TUSC3: variants seen among roughly 807,000 people sequenced by gnomAD.
TUSC3 encodes the protein tumor suppressor candidate 3.
Under a neutral mutation model 44.8 loss-of-function variants are expected in TUSC3, and 45 were observed. That is an observed-to-expected ratio of 1.00 (90% CI 0.79 to 1.29). TUSC3 has a LOEUF of 1.29. Among genes scored for constraint, TUSC3 ranks in the 50% most tolerant of loss-of-function variants. TUSC3 has a pLI of 0.00. For synonymous variants in TUSC3, 212 were observed against 152.9 expected, an observed-to-expected ratio of 1.39 and a Z score of -2.85; for missense variants, 519 against 437.9, an observed-to-expected ratio of 1.19 and a Z score of -1.65.
At chr8:15,434,530 C>CTTT (rs59579003) in intron 1 of TUSC3, among the ~76,000 whole-genome samples, 30 of 135,680 alleles carry the variant, frequency 2.2e-4, no homozygotes, top group South Asian at 7.1e-4. Flanking sequence ...AAAGCCATTC[C>CTTT]TTTTTTTTTT....
chr8:15,727,165 A>C (rs1472790279), intron 6 of TUSC3, among the ~76,000 whole-genome samples: 1 of 152,162 alleles, frequency 6.6e-6, no homozygotes, highest in South Asian at 2.1e-4. Context: ...GTTAGATACA[A>C]ATTTTTAAGA....
At chr8:15,693,384 T>C (rs1809007991) in intron 6 of TUSC3, among the ~76,000 whole-genome samples, 2 of 151,716 alleles carry the variant, frequency 1.3e-5, no homozygotes, top group South Asian at 2.1e-4. Context: ...AAGGATGTCT[T>C]ACTTATTTGC....
chr8:15,744,855 G>A lies in TUSC3; in HGVS notation c.937+1243G>A, dbSNP rs561558871. Among the ~76,000 whole-genome samples, 66 of 151,858 alleles carry A rather than the reference G, an allele frequency of 4.3e-4. No homozygotes were observed. The South Asian group carries it at 0.014, about 32-fold the overall frequency. ...GGTTTATGTATAAGTTTGTCCCATG[G>A]GTATTTTGGATGATACTGAGGTTTA... On this transcript the variant is annotated intron_variant, in intron 8 of 10. Transcript: ENST00000503731.
chr8:15,664,099 G>A (rs932291822), intron 5 of TUSC3, among the ~76,000 whole-genome samples: 2 of 151,556 alleles, frequency 1.3e-5, no homozygotes, highest in Admixed American at 6.6e-5. Context: ...TTTTTCTTTG[G>A]GGTATGCTTC....
At chr8:15,464,996 C>T (rs750489063) in intron 1 of TUSC3, among the ~76,000 whole-genome samples, 11 of 152,168 alleles carry the variant, frequency 7.2e-5, no homozygotes, top group Non-Finnish European at 1.2e-4. Flanking sequence ...ATTACAGGCA[C>T]CTGCCACCAT....
chr8:15,768,930 G>C (rs1006681189), downstream of TUSC3, among the ~76,000 whole-genome samples: 2 of 151,890 alleles, frequency 1.3e-5, no homozygotes, highest in African/African-American at 4.8e-5. Context: ...AAATAAGAGA[G>C]GACACAAATG....
chr8:15,566,600 CAT>C (rs1491371459), intron 1 of TUSC3, among the ~76,000 whole-genome samples: 1 of 141,662 alleles, frequency 7.1e-6, no homozygotes, highest in African/African-American at 2.5e-5. Flanking sequence ...ACAGAAGACA[CAT>C]TTTTTTGTTG....
intron 7 of TUSC3, among the ~76,000 whole-genome samples, chr8:15,738,553 A>G (rs988073472): frequency 2.0e-5 from 3 of 152,142 alleles, no homozygotes; most frequent in African/African-American, 7.2e-5. Flanking sequence ...AACAGACTCC[A>G]TATGACTTGC....
intron 1 of TUSC3, among the ~76,000 whole-genome samples, chr8:15,594,421 T>C (rs1405725129): frequency 6.6e-6 from 1 of 152,156 alleles, no homozygotes; most frequent in Non-Finnish European, 1.5e-5. Flanking sequence ...TTTTCCTGCT[T>C]TTTTGCATGC....
chr8:15,560,583 A>G (rs1241363189), intron 1 of TUSC3, among the ~76,000 whole-genome samples: 2 of 141,398 alleles, frequency 1.4e-5, no homozygotes, highest in African/African-American at 2.5e-5. Flanking sequence ...CTCCTGGATA[A>G]TATCCTGCAG....
intron 9 of TUSC3, among the ~76,000 whole-genome samples, chr8:15,753,688 T>C (rs1811803141): frequency 1.3e-5 from 2 of 152,092 alleles, no homozygotes; most frequent in African/African-American, 2.4e-5. Context: ...AGTTATTTTA[T>C]CAACTCTCTT....
chr8:15,826,833 G>C, the TUSC3 span, among the ~76,000 whole-genome samples: 1 of 152,124 alleles, frequency 6.6e-6, no homozygotes, highest in Non-Finnish European at 1.5e-5. Context: ...ATGGCAACTA[G>C]GAGGGGGCAT....
rs1245311387 is a variant in TUSC3 at position 15,650,801 on chromosome 8, A to C, written c.413A>C (p.Asp138Ala). 2.5e-6 allele frequency: 4 copies of C among 1,614,022 alleles called. No individual in the cohort carries two copies. The East Asian group carries it at 8.9e-5, about 36-fold the overall frequency. Residue 138 changes from aspartate to alanine, a missense_variant, in exon 3 of 11, where the codon GAC (aspartate) becomes GCC (alanine). Asp to Ala is a moderately radical substitution (Grantham distance 126). Coordinates refer to ENST00000503731, the MANE Select transcript of TUSC3 (RefSeq NM_006765.4). The stretch of plus-strand genomic sequence containing the variant: ...ATGGTGGACTATGATGAGGGGACAG[A>C]CGTTTTTCAGCAGGTAAAGAGTTAT... ...FSMVDYDEGT[D>A]VFQQLNMNSA...
intron 1 of TUSC3, among the ~76,000 whole-genome samples, chr8:15,614,794 A>T (rs540114268): frequency 6.6e-6 from 1 of 152,254 alleles, no homozygotes; most frequent in East Asian, 1.9e-4. Flanking sequence ...CCGGATTATT[A>T]TTCTTTTTTG....
chr8:15,456,082 A>T (rs1800253646), intron 1 of TUSC3, among the ~76,000 whole-genome samples: 1 of 152,112 alleles, frequency 6.6e-6, no homozygotes, highest in Admixed American at 6.6e-5. Flanking sequence ...ACACCCCATG[A>T]TTGTACCCCC....
Position 15,528,402 on chromosome 8 carries a change from T to C in TUSC3, n.189+44919T>C, listed in dbSNP as rs951106646. On this transcript the variant is annotated intron_variant and non_coding_transcript_variant, in intron 2 of 5. Transcript: ENST00000503191. ...TTAAAAGTTCGATATAAACTTTTTATATAATTCAAAAGAGAATAATTGAAA... is the reference window on the plus strand; with the variant it reads ...TTAAAAGTTCGATATAAACTTTTTACATAATTCAAAAGAGAATAATTGAAA... Among the ~76,000 whole-genome samples the C allele has an allele frequency of 1.1e-4, 17 of 152,330 alleles. No homozygotes were observed. The East Asian group carries it at 3.3e-3, about 29-fold the overall frequency.
intron 1 of TUSC3, among the ~76,000 whole-genome samples, chr8:15,460,387 C>T (rs193271809): frequency 6.6e-6 from 1 of 151,992 alleles, no homozygotes; most frequent in African/African-American, 2.4e-5. Flanking sequence ...TATGGGATTG[C>T]TTGTTTTTTT....
intron 5 of TUSC3, among the ~76,000 whole-genome samples, chr8:15,663,850 T>A (rs1807535026): frequency 6.6e-6 from 1 of 151,886 alleles, no homozygotes; most frequent in Admixed American, 6.6e-5. Flanking sequence ...CCAGGTTTCC[T>A]GGTAAAAATG....
intron 9 of TUSC3, among the ~76,000 whole-genome samples, chr8:15,751,244 G>A (rs1349918002): frequency 6.6e-6 from 1 of 152,012 alleles, no homozygotes; most frequent in Admixed American, 6.6e-5. Flanking sequence ...AAGCAAGGAA[G>A]ACAATTAAAA....
Sources: gnomAD v4.1 joint callset for allele counts (sites outside exome capture counted in the v4.1 genomes callset) on GRCh38, gnomAD v4.1.1 for gene constraint, MANE v1.5 for transcripts, NCBI Gene and HGNC (gene_info 2026-07-23, HGNC 2026-07-21) for gene names.